SLC51B: variants seen among roughly 807,000 people sequenced by gnomAD.
SLC51B encodes the protein SLC51 subunit beta, also known as organic solute transporter subunit beta.
A neutral mutation model predicts 8.0 loss-of-function variants in SLC51B; 6 were observed. That is an observed-to-expected ratio of 0.75 (90% CI 0.41 to 1.48). SLC51B has a LOEUF of 1.48. Among genes scored for constraint, SLC51B ranks in the 40% most tolerant of loss-of-function variants. The pLI is 0.01. For missense variants in SLC51B, 150 were observed against 149.7 expected (o/e 1.00, Z -0.01); for synonymous variants, 61 against 54.8 (o/e 1.11, Z -0.50).
At chr15:65,052,386 T>C (rs1024803055) in intron 3 of SLC51B, among the ~76,000 whole-genome samples, 2 of 148,536 alleles carry the variant, frequency 1.3e-5, no homozygotes, top group Non-Finnish European at 3.0e-5. Context: ...ACACTAGCTA[T>C]GTGCATCCTT....
At chr15:65,050,836 C>CTTTTTTTTTTTTTT (rs57404080) in intron 2 of SLC51B, among the ~76,000 whole-genome samples, 7 of 95,650 alleles carry the variant, frequency 7.3e-5, no homozygotes, top group Non-Finnish European at 1.1e-4. Context: ...TCTTCTTCTT[C>CTTTTTTTTTTTTTT]TTTTTTTTTT....
intron 2 of SLC51B, among the ~76,000 whole-genome samples, chr15:65,050,833 C>CTTTTTTTTTTTTTTTTTT (rs67418433): frequency 1.6e-4 from 14 of 88,598 alleles, no homozygotes; most frequent in African/African-American, 2.3e-4. Flanking sequence ...TCTTCTTCTT[C>CTTTTTTTTTTTTTTTTTT]TTCTTTTTTT....
Position 65,053,155 on chromosome 15 carries a change from T to C in SLC51B, c.378T>C (p.Thr126=), listed in dbSNP as rs2086678386. 1 of 1,613,850 alleles carries C rather than the reference T, an allele frequency of 6.2e-7. No homozygotes were observed. Among genetic ancestry groups the C allele is most frequent in the African/African-American group, 1.3e-5 (1 of 75,038 alleles). ...LSVFLPDVPE[T]ES Reference sequence around the variant, plus strand: ...TTTTCCTTCCGGATGTACCAGAAACTGAGAGCTAGTGAGGGTTCAGAGAAG... The same window carrying C: ...TTTTCCTTCCGGATGTACCAGAAACCGAGAGCTAGTGAGGGTTCAGAGAAG... The change falls in exon 4 of 4, where the codon ACT becomes ACC. Residue 126 remains threonine (T), a synonymous_variant. Transcript: ENST00000334287.
Position 65,052,961 on chromosome 15 carries a change from C to G in SLC51B, c.189-5C>G. On this transcript the variant is annotated splice_polypyrimidine_tract_variant and splice_region_variant and intron_variant, in intron 3 of 3. Coordinates refer to ENST00000334287, the MANE Select transcript of SLC51B (RefSeq NM_178859.4). ...CCTCATTAACACTGTTCCCTGTCCC[C>G]CCAGAAAAGAAAAGATGCAGCCACC... is the stretch of plus-strand genomic sequence containing the variant. The G allele has an allele frequency of 6.4e-7, 1 of 1,564,566 alleles. No homozygotes were observed. The highest frequency in any genetic ancestry group is 1.7e-5 in the Admixed American group (1 of 58,444).
At position 65,051,652 on chromosome 15, in the gene SLC51B, G is replaced by A. The variant is rs1374578429; in HGVS notation, c.188+47G>A. The A allele has an allele frequency of 1.9e-6, 3 of 1,571,054 alleles. No individual in the cohort carries two copies. The Admixed American group carries it at 5.0e-5, about 26-fold the overall frequency. On this transcript the variant is annotated intron_variant, in intron 3 of 3. Coordinates refer to ENST00000334287, the MANE Select transcript of SLC51B (RefSeq NM_178859.4). ...GATGGGGTGGTCTCTGTGGGGTAGA[G>A]GCCCTGCCTTCCCAGAGGGAAATCT...
Position 65,050,068 on chromosome 15 carries a change from G to A in SLC51B, c.64G>A (p.Glu22Lys), listed in dbSNP as rs771457741. 15 of 1,551,662 alleles carry A rather than the reference G, an allele frequency of 9.7e-6. No homozygotes were observed. Among genetic ancestry groups the A allele is most frequent in the Non-Finnish European group, 1.3e-5 (15 of 1,147,008 alleles). Residue 22 changes from glutamate (E) to lysine (K), a missense_variant, in exon 2 of 4, where the codon GAA becomes AAA. Physicochemically the swap from Glu to Lys is moderately conservative, Grantham distance 56. Transcript: ENST00000334287. Reference sequence around the variant, plus strand: ...TACTGTGGTACCCCAGGAGCTGCTGGAAGAGATGCTTTGGTTTTTTCGTGT... The same window carrying A: ...TACTGTGGTACCCCAGGAGCTGCTGAAAGAGATGCTTTGGTTTTTTCGTGT... ...AGTVVPQELL[E>K]EMLWFFRVED...
intron 2 of SLC51B, among the ~76,000 whole-genome samples, chr15:65,050,833 C>CTTTTTTTT (rs67418433): frequency 7.9e-5 from 7 of 88,592 alleles, no homozygotes; most frequent in African/African-American, 9.0e-5. Flanking sequence ...TCTTCTTCTT[C>CTTTTTTTT]TTCTTTTTTT....
intron 2 of SLC51B, among the ~76,000 whole-genome samples, chr15:65,050,980 G>GATTA (rs1387805368): frequency 6.6e-6 from 1 of 151,544 alleles, no homozygotes; most frequent in East Asian, 1.9e-4. Context: ...GAGTAGCTGG[G>GATTA]ATTACAGTGT....
intron 1 of SLC51B, 88 bp from the exon 2 acceptor site, chr15:65,049,809 C>A: frequency 1.7e-4 from 70 of 402,860 alleles, no homozygotes; most frequent in East Asian, 2.5e-4. Context: ...TGTCCCATAA[C>A]TTTGGGCCAG....
chr15:65,045,691 A>G (rs553665151), intron 1 of SLC51B, 109 bp downstream of exon 1: 1 of 152,356 alleles, frequency 6.6e-6, no homozygotes, highest in East Asian at 1.9e-4. Context: ...GATCTCCCAG[A>G]GGGGCTTAAG....
chr15:65,045,967 AC>A (rs2086572057), intron 1 of SLC51B, among the ~76,000 whole-genome samples: 1 of 152,040 alleles, frequency 6.6e-6, no homozygotes, highest in Admixed American at 6.5e-5. Flanking sequence ...GGAGTTCGAG[AC>A]CACCCCGGCT....
intron 1 of SLC51B, among the ~76,000 whole-genome samples, chr15:65,046,317 A>C (rs1005801216): frequency 6.6e-6 from 1 of 152,102 alleles, no homozygotes; most frequent in Admixed American, 6.6e-5. Flanking sequence ...AAATAAATAC[A>C]AAATTAGCTG....
At chr15:65,052,863 T>C in intron 3 of SLC51B, 103 bp from the exon 4 acceptor site, 1 of 1,034,678 alleles carries the variant, frequency 9.7e-7, no homozygotes, top group Non-Finnish European at 1.4e-6. Context: ...GCTCCCAAAC[T>C]GCATAGAGAA....
chr15:65,045,953 G>A (rs554729960), intron 1 of SLC51B, among the ~76,000 whole-genome samples: 84 of 152,292 alleles, frequency 5.5e-4, no homozygotes, highest in Non-Finnish European at 1.0e-3. Context: ...ATCACCTGAG[G>A]TCAGGAGTTC....
Position 65,050,000 on chromosome 15 carries a change from G to A in SLC51B, c.-5G>A, listed in dbSNP as rs777997805. 1 of 1,550,366 alleles carries A rather than the reference G, an allele frequency of 6.5e-7. No individual in the cohort carries two copies. The highest frequency in any genetic ancestry group is 1.2e-5 in the South Asian group (1 of 83,878). ...CTCGTTGCACACGCTACCAGGAGCA[G>A]GGGCATGGAGCACAGTGAGGGGGCT... On this transcript the variant is annotated 5_prime_UTR_variant, in exon 2 of 4. Coordinates refer to ENST00000334287, the MANE Select transcript of SLC51B (RefSeq NM_178859.4).
At chr15:65,047,626 A>T (rs2086593566) in intron 1 of SLC51B, among the ~76,000 whole-genome samples, 1 of 152,168 alleles carries the variant, frequency 6.6e-6, no homozygotes, top group African/African-American at 2.4e-5. Context: ...AGGCACTCTT[A>T]CATCTGAGAC....
chr15:65,052,379 C>T (rs1179442269), intron 3 of SLC51B, among the ~76,000 whole-genome samples: 3 of 147,664 alleles, frequency 2.0e-5, no homozygotes, highest in African/African-American at 7.5e-5. Flanking sequence ...AGTGCACACA[C>T]TAGCTATGTG....
intron 2 of SLC51B, among the ~76,000 whole-genome samples, chr15:65,050,848 TTTTTTGCC>T (rs2086643745): frequency 6.9e-6 from 1 of 145,432 alleles, no homozygotes; most frequent in African/African-American, 2.5e-5. Flanking sequence ...TTTTTTTTTT[TTTTTTGCC>T]TTTTTTTTGA....
chr15:65,051,717 G>A (rs2086655607), intron 3 of SLC51B, 112 bp downstream of exon 3: 1 of 922,732 alleles, frequency 1.1e-6, no homozygotes, highest in Non-Finnish European at 1.7e-6. Context: ...TCCACCCTTT[G>A]GGACAGCAAA....
Sources: allele counts gnomAD v4.1 joint callset (sites outside exome capture counted in the v4.1 genomes callset), GRCh38; gene constraint gnomAD v4.1.1; transcripts MANE v1.5; gene names NCBI Gene and HGNC (gene_info 2026-07-23, HGNC 2026-07-21).